Variants in C4BPA observed in about 807,000 individuals in gnomAD.
The protein encoded by C4BPA is C4b-binding protein alpha chain.
In C4BPA, 31 loss-of-function variants were observed where a neutral mutation model predicts 63.7. That is an observed-to-expected ratio of 0.49 (90% CI 0.37 to 0.66). The LOEUF (loss-of-function observed/expected upper bound fraction) is 0.66, where lower values mean the gene tolerates loss of function less well. Ranked by LOEUF, C4BPA falls within the 30% of genes least tolerant of loss-of-function variation. The probability of loss-of-function intolerance (pLI) is 0.00; values close to 1 mark genes in which losing one functional copy is unlikely to be tolerated. For missense variants in C4BPA, 572 were observed against 723.3 expected (o/e 0.79, Z 2.40); for synonymous variants, 259 against 254.7 (o/e 1.02, Z -0.16).
rs149775499 is a variant in C4BPA, at chr1:207,128,579, A to G, written c.889+1684A>G. Among the ~76,000 whole-genome samples the G allele has an allele frequency of 2.4e-3, 373 of 152,334 alleles. 1 individual carries two copies. The highest frequency in any genetic ancestry group is 8.3e-3 in the African/African-American group (345 of 41,570). On this transcript the variant is annotated intron_variant, in intron 7 of 11. Transcript: ENST00000367070. ...GAGGCCAATGGTTGTATGTAATACCAACAGAGGTAGACCACCCAAAGTCTC... is the reference window on the plus strand; with the variant it reads ...GAGGCCAATGGTTGTATGTAATACCGACAGAGGTAGACCACCCAAAGTCTC...
intron 6 of C4BPA, among the ~76,000 whole-genome samples, chr1:207,124,918 T>C (rs1417979097): frequency 6.6e-6 from 1 of 152,200 alleles, no homozygotes; most frequent in Non-Finnish European, 1.5e-5. Flanking sequence ...AGCCTTGGTC[T>C]GTTCAAGAAG....
chr1:207,124,096 C>A, intron 5 of C4BPA, 79 bp from the exon 6 acceptor site: 1 of 1,497,014 alleles, frequency 6.7e-7, no homozygotes, highest in Non-Finnish European at 9.3e-7. Flanking sequence ...TGTGTACCTT[C>A]CATTAGAATT....
At chr1:207,137,347 G>A (rs1241972699) in intron 9 of C4BPA, among the ~76,000 whole-genome samples, 1 of 152,204 alleles carries the variant, frequency 6.6e-6, no homozygotes, top group Non-Finnish European at 1.5e-5. Context: ...GCCTCAGGAG[G>A]TCCTGATGAC....
In C4BPA at chr1:207,143,944, C is replaced by A. The variant is rs1408336352; in HGVS notation, c.1571C>A (p.Thr524Asn). ...GGTGTGGTTGGTCCCCAAAGTATCA[C>A]TTGCTCTGGGAACAGAACCTGGTAC... ...GYGVVGPQSI[T>N]CSGNRTWYPE... The change falls in exon 11 of 12, where the codon ACT (threonine) becomes AAT (asparagine). Residue 524 changes from threonine (T) to asparagine (N), a missense_variant. Thr to Asn is a moderately conservative substitution (Grantham distance 65). Transcript: ENST00000367070. The A allele has an allele frequency of 8.7e-6, 14 of 1,608,906 alleles. No individual in the cohort carries two copies. The highest frequency in any genetic ancestry group is 1.1e-5 in the Non-Finnish European group (13 of 1,177,760).
intron 4 of C4BPA, among the ~76,000 whole-genome samples, chr1:207,116,854 C>T (rs1328154756): frequency 2.0e-5 from 3 of 152,090 alleles, no homozygotes; most frequent in Admixed American, 1.3e-4. Context: ...TACGCCAACA[C>T]CACTTATTTA....
chr1:207,115,633 T>A (rs1299804495), intron 4 of C4BPA, 118 bp downstream of exon 4: 4 of 536,496 alleles, frequency 7.5e-6, no homozygotes, highest in Non-Finnish European at 9.5e-6. Flanking sequence ...AATTCTCATT[T>A]CCATCCTATC....
chr1:207,106,695 C>A (rs2842699), intron 1 of C4BPA, among the ~76,000 whole-genome samples: 3,671 of 152,278 alleles, frequency 0.024, 139 homozygotes, highest in African/African-American at 0.083. Flanking sequence ...CCTGCCTTGG[C>A]CTCCCAAAGT....
intron 8 of C4BPA, 130 bp downstream of exon 8, chr1:207,131,870 A>T: frequency 1.5e-6 from 1 of 645,800 alleles, no homozygotes; most frequent in Non-Finnish European, 2.6e-6. Context: ...AGATTAGTAA[A>T]CTGTTAGTGC....
Position 207,144,817 on chromosome 1 carries a change from T to G in C4BPA, c.*100T>G, listed in dbSNP as rs1211582599. Reference sequence around the variant, plus strand: ...ATCTACTGTCAATTTGGCAGTGATATTCATCATAATAAATATCTAGAAATG... The same window carrying G: ...ATCTACTGTCAATTTGGCAGTGATAGTCATCATAATAAATATCTAGAAATG... On this transcript the variant is annotated 3_prime_UTR_variant, in exon 12 of 12. Transcript: ENST00000367070. The G allele has an allele frequency of 1.6e-6, 1 of 616,744 alleles. No individual in the cohort carries two copies. Among genetic ancestry groups the G allele is most frequent in the East Asian group, 3.2e-5 (1 of 30,876 alleles). The allele number at this position is 616,744 out of a possible 1,614,324, so 38.2% of individuals were successfully genotyped here.
chr1:207,138,557 T>C (rs535219435), intron 9 of C4BPA, among the ~76,000 whole-genome samples: 14 of 152,302 alleles, frequency 9.2e-5, no homozygotes, highest in South Asian at 2.1e-4. Flanking sequence ...GACATTTACA[T>C]CTTTTCCTAC....
chr1:207,107,933 A>G (rs951341721), intron 1 of C4BPA, among the ~76,000 whole-genome samples: 2 of 152,178 alleles, frequency 1.3e-5, no homozygotes, highest in African/African-American at 4.8e-5. Flanking sequence ...AGAGGAGGCA[A>G]TAATGACTTG....
intron 4 of C4BPA, among the ~76,000 whole-genome samples, chr1:207,116,557 T>TGC (rs1365455613): frequency 2.7e-5 from 2 of 74,786 alleles, no homozygotes; most frequent in African/African-American, 6.8e-5. Context: ...TGTGTGTGTG[T>TGC]GTATAATGTT....
chr1:207,144,687 A>G lies in C4BPA; in HGVS notation c.1764A>G (p.Ala588=). 6.2e-7 allele frequency: 1 copy of G among 1,609,836 alleles called. No individual in the cohort carries two copies. Among genetic ancestry groups the G allele is most frequent in the Non-Finnish European group, 8.5e-7 (1 of 1,178,542 alleles). The change falls in exon 12 of 12, where the codon GCA becomes GCG. Residue 588 remains alanine (A), a synonymous_variant. Coordinates refer to ENST00000367070, the MANE Select transcript of C4BPA (RefSeq NM_000715.4). ...IEQLELQRDS[A]RQSTLDKEL ...AACTGGAACTACAGAGAGACAGCGC[A>G]AGACAATCCACTTTGGATAAAGAAC...
At chr1:207,124,406 C>CAAAA in intron 6 of C4BPA, 40 bp downstream of exon 6, 1 of 1,484,590 alleles carries the variant, frequency 6.7e-7, no homozygotes, top group Non-Finnish European at 9.3e-7. Flanking sequence ...AATGTTTGCT[C>CAAAA]TCTTTTGTTT....
intron 7 of C4BPA, among the ~76,000 whole-genome samples, chr1:207,130,601 A>AT (rs1241065949): frequency 6.6e-6 from 1 of 152,216 alleles, no homozygotes; most frequent in Non-Finnish European, 1.5e-5. Flanking sequence ...AATAGATTAT[A>AT]TCATTTGGCA....
chr1:207,116,597 T>C (rs1200101245), intron 4 of C4BPA, among the ~76,000 whole-genome samples: 2 of 151,582 alleles, frequency 1.3e-5, no homozygotes, highest in African/African-American at 4.9e-5. Context: ...TTTTTTCCCC[T>C]TAAGGAGAAA....
chr1:207,126,939 G>T lies in C4BPA; in HGVS notation c.889+44G>T, dbSNP rs533412308. Reference sequence around the variant, plus strand: ...AGAATTTCAATGTTTGGCATCTAAAGGTACCCCGTACTGTTAATACGGGTA... The same window carrying T: ...AGAATTTCAATGTTTGGCATCTAAATGTACCCCGTACTGTTAATACGGGTA... On this transcript the variant is annotated intron_variant, in intron 7 of 11. Transcript: ENST00000367070. 16 of 1,506,264 alleles carry T rather than the reference G, an allele frequency of 1.1e-5. No individual in the cohort carries two copies. In the Admixed American group the frequency reaches 2.2e-4, roughly 21 times the overall value. The allele number at this position is 1,506,264 out of a possible 1,614,324, so 93.3% of individuals were successfully genotyped here.
intron 11 of C4BPA, 43 bp downstream of exon 11, chr1:207,144,036 A>T (rs1685479564): frequency 2.1e-6 from 3 of 1,457,886 alleles, no homozygotes; most frequent in Non-Finnish European, 2.8e-6. Flanking sequence ...GTCGACCCCT[A>T]AAAATGGTGG....
intron 4 of C4BPA, among the ~76,000 whole-genome samples, chr1:207,118,036 T>A (rs1405321856): frequency 2.0e-5 from 3 of 152,172 alleles, no homozygotes; most frequent in Non-Finnish European, 4.4e-5. Flanking sequence ...AGTTTAAACC[T>A]CTGGCAAAAC....
Sources: allele counts gnomAD v4.1 joint callset (sites outside exome capture counted in the v4.1 genomes callset), GRCh38; gene constraint gnomAD v4.1.1; transcripts MANE v1.5; gene names NCBI Gene and HGNC (gene_info 2026-07-23, HGNC 2026-07-21).